Variants in SMYD3 observed in about 807,000 individuals in gnomAD.
SMYD3 encodes the protein SET and MYND domain containing 3, also known as histone-lysine N-methyltransferase SMYD3.
In SMYD3, 36 loss-of-function variants were observed where a neutral mutation model predicts 57.7. The ratio of observed to expected loss-of-function variants is 0.62; its 90% confidence interval spans 0.48 to 0.82. The LOEUF (loss-of-function observed/expected upper bound fraction) is 0.82. Among genes scored for constraint, SMYD3 ranks in the 40% least tolerant of loss-of-function variants. The pLI is 0.00. For missense variants in SMYD3, 515 were observed against 538.8 expected, an observed-to-expected ratio of 0.96 and a Z score of 0.44; for synonymous variants, 211 against 195.0, an observed-to-expected ratio of 1.08 and a Z score of -0.68.
intron 5 of SMYD3, among the ~76,000 whole-genome samples, chr1:246,261,868 T>C (rs1474560976): frequency 6.6e-6 from 1 of 152,206 alleles, no homozygotes; most frequent in African/African-American, 2.4e-5. Flanking sequence ...TTCTTGTCAC[T>C]CAGCTTTATT....
chr1:245,792,080 C>T (rs2047301194), intron 10 of SMYD3, among the ~76,000 whole-genome samples: 1 of 151,952 alleles, frequency 6.6e-6, no homozygotes, highest in Admixed American at 6.6e-5. Context: ...AGAGTGCTGA[C>T]TTTGTACCTA....
intron 5 of SMYD3, among the ~76,000 whole-genome samples, chr1:246,237,759 C>G (rs2063534800): frequency 6.6e-6 from 1 of 152,120 alleles, no homozygotes; most frequent in South Asian, 2.1e-4. Flanking sequence ...CTGAATTAGA[C>G]CATGCCATCC....
At chr1:246,262,190 G>T (rs1388322909) in intron 5 of SMYD3, among the ~76,000 whole-genome samples, 3 of 152,156 alleles carry the variant, frequency 2.0e-5, no homozygotes, top group South Asian at 4.1e-4. Context: ...TGATATTTTT[G>T]TGTGTGTGTT....
At chr1:246,467,043 G>A (rs770026331) in intron 1 of SMYD3, among the ~76,000 whole-genome samples, 1 of 151,940 alleles carries the variant, frequency 6.6e-6, no homozygotes, top group African/African-American at 2.4e-5. Context: ...GGGGGCGTGT[G>A]CCTGTAATCG....
At chr1:246,102,743 CAAA>C (rs746820906) in intron 5 of SMYD3, among the ~76,000 whole-genome samples, 2 of 145,844 alleles carry the variant, frequency 1.4e-5, no homozygotes, top group African/African-American at 5.1e-5. Flanking sequence ...CCTTGGCTCT[CAAA>C]AAAAAAAAAA....
intron 5 of SMYD3, among the ~76,000 whole-genome samples, chr1:246,140,754 A>T (rs996296087): frequency 6.6e-6 from 1 of 152,056 alleles, no homozygotes; most frequent in African/African-American, 2.4e-5. Context: ...TAGGGACTAT[A>T]AGCACATGCC....
chr1:245,780,521 T>C (rs1463020543), intron 10 of SMYD3, among the ~76,000 whole-genome samples: 1 of 152,002 alleles, frequency 6.6e-6, no homozygotes, highest in Non-Finnish European at 1.5e-5. Flanking sequence ...GTAGTTTCCA[T>C]GGGATGTGGC....
chr1:246,223,990 T>G (rs1332983692), intron 5 of SMYD3, among the ~76,000 whole-genome samples: 2 of 152,174 alleles, frequency 1.3e-5, no homozygotes, highest in Non-Finnish European at 1.5e-5. Flanking sequence ...ACTTCTCATC[T>G]GTAAGAGGAT....
intron 5 of SMYD3, among the ~76,000 whole-genome samples, chr1:246,285,240 T>C (rs897493151): frequency 3.3e-5 from 5 of 152,188 alleles, no homozygotes; most frequent in African/African-American, 1.2e-4. Context: ...CTCAGTTACT[T>C]CACTTAGAAC....
intron 1 of SMYD3, among the ~76,000 whole-genome samples, chr1:246,394,968 C>T (rs547371102): frequency 1.3e-5 from 2 of 151,818 alleles, no homozygotes; most frequent in South Asian, 4.2e-4. Context: ...GGCTCCCGAA[C>T]TCAGCTATAC....
intron 7 of SMYD3, among the ~76,000 whole-genome samples, chr1:245,916,166 A>AAG (rs1553360840): frequency 1.3e-5 from 2 of 152,036 alleles, no homozygotes; most frequent in Non-Finnish European, 2.9e-5. Flanking sequence ...TGGAAAAAAA[A>AAG]GGGGGGGTAG....
intron 5 of SMYD3, among the ~76,000 whole-genome samples, chr1:246,023,730 T>C (rs2059516548): frequency 6.6e-6 from 1 of 151,974 alleles, no homozygotes; most frequent in Non-Finnish European, 1.5e-5. Context: ...GTTCAAATCC[T>C]GGATTTCCAA....
chr1:245,829,516 C>T (rs992524035), intron 10 of SMYD3, among the ~76,000 whole-genome samples: 6 of 152,028 alleles, frequency 3.9e-5, no homozygotes, highest in Non-Finnish European at 5.9e-5. Context: ...AGGTACTCTC[C>T]GTATTACTCT....
At chr1:246,219,894 T>C (rs2063225880) in intron 5 of SMYD3, among the ~76,000 whole-genome samples, 1 of 152,090 alleles carries the variant, frequency 6.6e-6, no homozygotes, top group Non-Finnish European at 1.5e-5. Flanking sequence ...GCTGGTGCCG[T>C]AGTGGCTGGC....
At chr1:246,191,897 T>C (rs547486771) in intron 5 of SMYD3, among the ~76,000 whole-genome samples, 2 of 152,280 alleles carry the variant, frequency 1.3e-5, no homozygotes, top group East Asian at 3.9e-4. Flanking sequence ...CCAGTCCTAA[T>C]AAATGAGAAA....
At chr1:246,140,255 C>T (rs1379847189) in intron 5 of SMYD3, among the ~76,000 whole-genome samples, 1 of 152,154 alleles carries the variant, frequency 6.6e-6, no homozygotes, top group Non-Finnish European at 1.5e-5. Flanking sequence ...AATTCCAGCT[C>T]CACCGCTTTG....
At chr1:245,783,729 T>C (rs2046926723) in intron 10 of SMYD3, among the ~76,000 whole-genome samples, 1 of 152,214 alleles carries the variant, frequency 6.6e-6, no homozygotes, top group Non-Finnish European at 1.5e-5. Flanking sequence ...AAATTAATTA[T>C]ATATCTACAG....
intron 10 of SMYD3, among the ~76,000 whole-genome samples, chr1:245,809,107 C>T (rs1234114170): frequency 6.6e-6 from 1 of 152,180 alleles, no homozygotes; most frequent in Non-Finnish European, 1.5e-5. Flanking sequence ...CATGAGGTCT[C>T]CAAATAACTC....
chr1:246,413,067 A>C (rs1056157695), intron 1 of SMYD3, among the ~76,000 whole-genome samples: 7 of 152,190 alleles, frequency 4.6e-5, no homozygotes, highest in African/African-American at 1.4e-4. Context: ...AACCAGTGCT[A>C]GGATTACAAC....
Sources: gnomAD v4.1 joint callset for allele counts (sites outside exome capture counted in the v4.1 genomes callset) on GRCh38, gnomAD v4.1.1 for gene constraint, MANE v1.5 for transcripts, NCBI Gene and HGNC (gene_info 2026-07-23, HGNC 2026-07-21) for gene names.